The following SLCO2B1 variants were observed in gnomAD, a reference collection of about 807,000 sequenced individuals.
SLCO2B1 encodes the protein solute carrier organic anion transporter family member 2B1, also known as OATP-RP2.
A neutral mutation model predicts 67.3 loss-of-function variants in SLCO2B1; 41 were observed. The observed-to-expected ratio is 0.61, with a 90% CI of 0.47 to 0.79. The LOEUF (loss-of-function observed/expected upper bound fraction) is 0.79. Among genes scored for constraint, SLCO2B1 ranks in the 30% least tolerant of loss-of-function variants. The pLI, the probability that SLCO2B1 is intolerant of heterozygous loss-of-function variation, is 0.00. For synonymous variants in SLCO2B1, 379 were observed against 381.4 expected, an observed-to-expected ratio of 0.99 and a Z score of 0.07; for missense variants, 837 against 920.1, an observed-to-expected ratio of 0.91 and a Z score of 1.17.
In SLCO2B1 at chr11:75,193,622, C is replaced by T. The variant is rs1565548476; in HGVS notation, c.1433+47C>T. The T allele has an allele frequency of 6.8e-7, 1 of 1,469,594 alleles. No homozygotes were observed. Among genetic ancestry groups the T allele is most frequent in the Non-Finnish European group, 9.1e-7 (1 of 1,101,126 alleles). The allele number at this position is 1,469,594 out of a possible 1,614,324, so 91.0% of individuals were successfully genotyped here. On this transcript the variant is annotated intron_variant, in intron 9 of 13. Transcript: ENST00000289575. The surrounding 1 kb of genome is among the most constrained non-coding windows in gnomAD (Gnocchi z 4.2). ...TAAAGGCAAGCCTGGGAGGACAGGA[C>T]AGGGAGGACAGGGGCCCTGGGCAGA...
Position 75,193,382 on chromosome 11 carries a change from G to C in SLCO2B1, c.1240G>C (p.Gly414Arg), listed in dbSNP as rs111782322. 1.9e-6 allele frequency: 3 copies of C among 1,613,996 alleles called. No individual in the cohort carries two copies. The highest frequency in any genetic ancestry group is 2.5e-6 in the Non-Finnish European group (3 of 1,180,040). Residue 414 changes from glycine (G) to arginine (R), a missense_variant, in exon 9 of 14, where the codon GGC becomes CGC. Physicochemically the swap from Gly to Arg is moderately radical, Grantham distance 125. Transcript: ENST00000289575. This position sits in a 1 kb window ranked among gnomAD's most constrained non-coding sequence, Gnocchi z 4.2. Reference protein sequence around the residue: ...ITASYANLLIGCLSFPSVIVG... With the variant: ...ITASYANLLIRCLSFPSVIVG... The stretch of plus-strand genomic sequence containing the variant: ...AGCCTCCTACGCCAACCTGCTCATC[G>C]GCTGCCTCTCCTTCCCTTCGGTCAT...
In SLCO2B1 at chr11:75,193,070, G is replaced by A. The variant is rs1945048023; in HGVS notation, c.1076-148G>A. On this transcript the variant is annotated intron_variant, in intron 8 of 13. Transcript: ENST00000289575. This position sits in a 1 kb window ranked among gnomAD's most constrained non-coding sequence, Gnocchi z 4.2. ...ACTAGAGTAAATGGAATGGAGTCAA[G>A]TGGGATAAAATTGATTGCAATAGAA... is the stretch of plus-strand genomic sequence containing the variant. 1 of 632,212 alleles carries A rather than the reference G, an allele frequency of 1.6e-6. No homozygotes were observed. The highest frequency in any genetic ancestry group is 2.7e-6 in the Non-Finnish European group (1 of 364,910). The allele number at this position is 632,212 out of a possible 1,614,324, so 39.2% of individuals were successfully genotyped here. A position where few individuals can be genotyped will look rare whatever the true frequency, so the allele number is the denominator to read the frequency against.
intron 11 of SLCO2B1, chr11:75,201,464 C>G (rs1441941101): frequency 1.3e-5 from 2 of 152,190 alleles, no homozygotes; most frequent in African/African-American, 4.8e-5. Context: ...CAATTCTATT[C>G]TGACACAATC....
intron 13 of SLCO2B1, 173 bp downstream of exon 13, chr11:75,203,600 CCTT>C (rs1945221147): frequency 1.3e-6 from 1 of 746,238 alleles, no homozygotes; most frequent in African/African-American, 1.8e-5. Context: ...CTGCCCCCCT[CCTT>C]TTATAGATGA....
intron 10 of SLCO2B1, chr11:75,200,015 G>T: frequency 1.9e-6 from 1 of 527,964 alleles, no homozygotes; most frequent in Non-Finnish European, 3.3e-6. Flanking sequence ...CTCAGCCCAG[G>T]CTCAACTTGC....
intron 7 of SLCO2B1, among the ~76,000 whole-genome samples, chr11:75,181,659 C>T (rs1950093379): frequency 6.6e-6 from 1 of 152,154 alleles, no homozygotes; most frequent in African/African-American, 2.4e-5. Flanking sequence ...GCCTGGATCC[C>T]TGGGGGCCCA....
intron 6 of SLCO2B1, among the ~76,000 whole-genome samples, chr11:75,171,591 G>A (rs1315210302): frequency 6.6e-6 from 1 of 152,180 alleles, no homozygotes; most frequent in Non-Finnish European, 1.5e-5. Context: ...TTTGGATGCT[G>A]TGGAAATTGA....
chr11:75,185,707 G>A (rs549377104), intron 7 of SLCO2B1, among the ~76,000 whole-genome samples: 2 of 151,922 alleles, frequency 1.3e-5, no homozygotes, highest in East Asian at 3.9e-4. Flanking sequence ...AGAAAGTAAA[G>A]GAATAAAGAA....
intron 7 of SLCO2B1, among the ~76,000 whole-genome samples, chr11:75,173,607 A>G (rs1266557357): frequency 6.6e-6 from 1 of 152,132 alleles, no homozygotes; most frequent in Non-Finnish European, 1.5e-5. Context: ...AAGCGGACAC[A>G]GAGGCCCAGC....
rs560844249 is a variant in SLCO2B1, at chr11:75,177,086, C to T, written c.972+4517C>T. 8.6e-5 allele frequency among the ~76,000 whole-genome samples: 13 copies of T among 152,012 alleles called. No individual in the cohort carries two copies. The South Asian group carries it at 2.3e-3, about 27-fold the overall frequency. On this transcript the variant is annotated intron_variant, in intron 7 of 13. Coordinates refer to ENST00000289575, the MANE Select transcript of SLCO2B1 (RefSeq NM_007256.5). ...GGGGCAATCTGCTTGAGTGGTTTTTCGAATTGAACCCCCAGAACCCCAAGG... is the reference window on the plus strand; with the variant it reads ...GGGGCAATCTGCTTGAGTGGTTTTTTGAATTGAACCCCCAGAACCCCAAGG...
intron 1 of SLCO2B1, among the ~76,000 whole-genome samples, chr11:75,155,774 G>A (rs772871717): frequency 4.6e-5 from 7 of 152,292 alleles, no homozygotes; most frequent in South Asian, 2.1e-4. Context: ...GCCAGGCCTC[G>A]AAAGATAAGT....
At chr11:75,175,896 C>T (rs1591820714) in intron 7 of SLCO2B1, among the ~76,000 whole-genome samples, 1 of 152,156 alleles carries the variant, frequency 6.6e-6, no homozygotes, top group African/African-American at 2.4e-5. Flanking sequence ...TAGCAGTCCC[C>T]ACAGAGAAGA....
At chr11:75,161,441 T>A (rs1438365049) in intron 1 of SLCO2B1, among the ~76,000 whole-genome samples, 1 of 152,222 alleles carries the variant, frequency 6.6e-6, no homozygotes, top group African/African-American at 2.4e-5. Flanking sequence ...TTTATGGCTA[T>A]GAATTACATC....
chr11:75,181,530 C>T (rs1950091774), intron 7 of SLCO2B1, among the ~76,000 whole-genome samples: 1 of 152,106 alleles, frequency 6.6e-6, no homozygotes, highest in Admixed American at 6.5e-5. Flanking sequence ...GTGAAGGAAC[C>T]CGAGGCTGGC....
chr11:75,164,571 C>T lies in SLCO2B1; in HGVS notation c.285+471C>T, dbSNP rs575033166. On this transcript the variant is annotated intron_variant, in intron 3 of 13. Transcript: ENST00000289575. ...TGGGGATTCACAGGCCTGTGGGGCCCGCAGCCAAGCAGGGAGGAGCAGATG... is the reference window on the plus strand; with the variant it reads ...TGGGGATTCACAGGCCTGTGGGGCCTGCAGCCAAGCAGGGAGGAGCAGATG... Among the ~76,000 whole-genome samples the T allele has an allele frequency of 5.1e-3, 769 of 152,126 alleles. 3 individuals carry two copies. The highest frequency in any genetic ancestry group is 8.5e-3 in the Non-Finnish European group (575 of 67,998).
intron 8 of SLCO2B1, among the ~76,000 whole-genome samples, chr11:75,189,891 G>A (rs184403341): frequency 0.011 from 1,593 of 151,294 alleles, 16 homozygotes; most frequent in Non-Finnish European, 0.016. Context: ...GAACCTGGGA[G>A]TTTGAGGCTG....
chr11:75,192,913 G>A (rs183396423), intron 8 of SLCO2B1, among the ~76,000 whole-genome samples: 1 of 152,100 alleles, frequency 6.6e-6, no homozygotes. Flanking sequence ...GCATGGTGGT[G>A]CACACCTGTA....
At chr11:75,172,253 TG>T in intron 6 of SLCO2B1, 125 bp from the exon 7 acceptor site, 1 of 796,866 alleles carries the variant, frequency 1.3e-6, no homozygotes, top group South Asian at 1.8e-5. Context: ...CAGAGCAGAC[TG>T]GAACTCAGGT....
rs200729218 is a variant in SLCO2B1, at chr11:75,203,345, G to A, written c.1867G>A (p.Asp623Asn). The A allele has an allele frequency of 4.3e-6, 7 of 1,614,074 alleles. No homozygotes were observed. The highest frequency in any genetic ancestry group is 2.2e-5 in the East Asian group (1 of 44,872). The change falls in exon 13 of 14, where the codon GAC becomes AAC. Residue 623 changes from aspartate (D) to asparagine (N), a missense_variant. Asp to Asn is a conservative substitution (Grantham distance 23, BLOSUM62 1). Transcript: ENST00000289575. ...CCCCGTGATCCACGGCAGCGCCATC[G>A]ACACCACCTGTGTGCACTGGGCCCT... Reference protein sequence around the residue: ...PSPVIHGSAIDTTCVHWALSC... With the variant: ...PSPVIHGSAINTTCVHWALSC...
Sources: allele counts gnomAD v4.1 joint callset (sites outside exome capture counted in the v4.1 genomes callset), GRCh38; gene constraint gnomAD v4.1.1; non-coding constraint Gnocchi (gnomAD v3.1); transcripts MANE v1.5; gene names NCBI Gene and HGNC (gene_info 2026-07-23, HGNC 2026-07-21).